The following SLC44A5 variants were observed in gnomAD, a reference collection of about 807,000 sequenced individuals.
SLC44A5 encodes the protein solute carrier family 44 member 5, also known as choline transporter-like protein 5.
Under a neutral mutation model 101.8 loss-of-function variants are expected in SLC44A5, and 57 were observed. The observed-to-expected ratio is 0.56, with a 90% CI of 0.45 to 0.70. The LOEUF is 0.70. Ranked by LOEUF, SLC44A5 falls within the 30% of genes least tolerant of loss-of-function variation. SLC44A5 has a pLI of 0.00. For synonymous variants in SLC44A5, 281 were observed against 290.9 expected (o/e 0.97, Z 0.35); for missense variants, 737 against 853.1 (o/e 0.86, Z 1.70).
intron 6 of SLC44A5, among the ~76,000 whole-genome samples, chr1:75,264,349 C>T (rs1051368499): frequency 6.6e-6 from 1 of 152,180 alleles, no homozygotes; most frequent in Admixed American, 6.5e-5. Flanking sequence ...GGCAGGGCTG[C>T]CACACGTTTA....
At chr1:75,525,175 A>G (rs1412978492) in intron 2 of SLC44A5, among the ~76,000 whole-genome samples, 1 of 152,200 alleles carries the variant, frequency 6.6e-6, no homozygotes, top group Admixed American at 6.5e-5. Flanking sequence ...GATACTCACA[A>G]GGTGCTAAGG....
At chr1:75,687,881 G>C in the SLC44A5 span, among the ~76,000 whole-genome samples, 3 of 152,066 alleles carry the variant, frequency 2.0e-5, no homozygotes, top group African/African-American at 7.2e-5. Context: ...CACCTTTATG[G>C]TCATCCAGCC....
chr1:75,647,175 T>C, the SLC44A5 span, among the ~76,000 whole-genome samples: 2 of 152,178 alleles, frequency 1.3e-5, no homozygotes, highest in African/African-American at 4.8e-5. Flanking sequence ...ATCTCAGCCA[T>C]GGCTAAAAGG....
At chr1:75,702,352 C>T in the SLC44A5 span, among the ~76,000 whole-genome samples, 1 of 152,064 alleles carries the variant, frequency 6.6e-6, no homozygotes, top group Non-Finnish European at 1.5e-5. Flanking sequence ...AGAAATAATG[C>T]CACATATCTA....
intron 3 of SLC44A5, among the ~76,000 whole-genome samples, chr1:75,350,965 T>A (rs1658609772): frequency 6.6e-6 from 1 of 151,118 alleles, no homozygotes; most frequent in South Asian, 2.1e-4. Flanking sequence ...AGCATGTGAA[T>A]TTTAACCGAA....
At chr1:75,434,313 C>T (rs1192692151) in intron 2 of SLC44A5, among the ~76,000 whole-genome samples, 1 of 152,156 alleles carries the variant, frequency 6.6e-6, no homozygotes, top group Non-Finnish European at 1.5e-5. Context: ...ATTTTCCTTG[C>T]TATTGTCCTA....
Position 75,269,833 on chromosome 1 carries a change from TC to T in SLC44A5, c.260+5124del, listed in dbSNP as rs1319274209. Among the ~76,000 whole-genome samples the T allele has an allele frequency of 2.0e-5, 3 of 152,258 alleles. No individual in the cohort carries two copies. In the East Asian group the frequency reaches 5.8e-4, roughly 29 times the overall value. Reference sequence around the variant, plus strand: ...TACCATTTGATATGGTTTGGCTGTATCCCCACCTAAATGTCATCTTGAATTA... The same window carrying T: ...TACCATTTGATATGGTTTGGCTGTATCCCACCTAAATGTCATCTTGAATTA... On this transcript the variant is annotated intron_variant, in intron 6 of 23. Transcript: ENST00000370859.
chr1:75,591,368 C>A (rs890887506), intron 1 of SLC44A5, among the ~76,000 whole-genome samples: 5 of 152,096 alleles, frequency 3.3e-5, no homozygotes, highest in Admixed American at 3.3e-4. Flanking sequence ...TGTAAATAGA[C>A]TAAACTCTCC....
intron 9 of SLC44A5, among the ~76,000 whole-genome samples, chr1:75,239,917 C>G (rs1273773993): frequency 6.6e-6 from 1 of 152,014 alleles, no homozygotes; most frequent in South Asian, 2.1e-4. Context: ...TATTGAAACT[C>G]TCTTTTCTTG....
chr1:75,276,350 A>T (rs1178893015), intron 5 of SLC44A5, among the ~76,000 whole-genome samples: 1 of 152,176 alleles, frequency 6.6e-6, no homozygotes, highest in South Asian at 2.1e-4. Context: ...TTCTGCTTCT[A>T]TACCTTAGTT....
intron 6 of SLC44A5, among the ~76,000 whole-genome samples, chr1:75,255,693 A>G (rs1649960204): frequency 6.6e-6 from 1 of 152,162 alleles, no homozygotes. Flanking sequence ...TAAGGACTCA[A>G]AGAAAGAATT....
intron 14 of SLC44A5, among the ~76,000 whole-genome samples, chr1:75,220,601 C>A (rs1031970074): frequency 1.3e-5 from 2 of 151,824 alleles, no homozygotes; most frequent in Non-Finnish European, 2.9e-5. Flanking sequence ...ATATAATTAT[C>A]AAGGATAATA....
the SLC44A5 span, among the ~76,000 whole-genome samples, chr1:75,692,229 T>G: frequency 7.3e-6 from 1 of 137,638 alleles, no homozygotes; most frequent in African/African-American, 2.7e-5. Flanking sequence ...AGTCTCGCTC[T>G]GTTGCCCAGG....
chr1:75,527,455 T>C (rs573741593), intron 2 of SLC44A5, among the ~76,000 whole-genome samples: 4 of 152,206 alleles, frequency 2.6e-5, no homozygotes, highest in Admixed American at 6.5e-5. Context: ...TGGGCTACAA[T>C]TTGGTGACTT....
intron 2 of SLC44A5, among the ~76,000 whole-genome samples, chr1:75,433,547 A>G (rs1196656244): frequency 6.6e-6 from 1 of 152,140 alleles, no homozygotes. Context: ...CACTATTCCA[A>G]TGGGAGATCT....
chr1:75,691,292 A>G, the SLC44A5 span, among the ~76,000 whole-genome samples: 1 of 152,182 alleles, frequency 6.6e-6, no homozygotes, highest in Non-Finnish European at 1.5e-5. Flanking sequence ...TCTAAAGGAA[A>G]ATGATAGCAA....
chr1:75,612,184 A>C (rs777362623), upstream of SLC44A5, among the ~76,000 whole-genome samples: 2 of 152,188 alleles, frequency 1.3e-5, no homozygotes, highest in Non-Finnish European at 2.9e-5. Flanking sequence ...AGTGAAGTCT[A>C]TTAGGTCACC....
chr1:75,484,658 T>C (rs1476202484), intron 2 of SLC44A5, among the ~76,000 whole-genome samples: 2 of 152,142 alleles, frequency 1.3e-5, no homozygotes, highest in African/African-American at 4.8e-5. Flanking sequence ...CATTGCCCTC[T>C]GCATTGCCCT....
rs1245447732 is a variant in SLC44A5 at position 75,202,235 on chromosome 1, C to A, written c.*1492G>T. The A allele has an allele frequency of 6.6e-6, 1 of 152,074 alleles. No homozygotes were observed. The highest frequency in any genetic ancestry group is 6.6e-5 in the Admixed American group (1 of 15,258). 9.4% of individuals were successfully genotyped at this position (152,074 alleles called of 1,614,324 possible). ...AATTATCAAAGATATTTAGACAATA[C>A]GTTTCTAACATTTCTGCACAGCAGA... is the stretch of plus-strand genomic sequence containing the variant. On this transcript the variant is annotated 3_prime_UTR_variant, in exon 24 of 24. Coordinates refer to ENST00000370859, the MANE Select transcript of SLC44A5 (RefSeq NM_001130058.2).
Sources: allele counts gnomAD v4.1 joint callset (sites outside exome capture counted in the v4.1 genomes callset), GRCh38; gene constraint gnomAD v4.1.1; transcripts MANE v1.5; gene names NCBI Gene and HGNC (gene_info 2026-07-23, HGNC 2026-07-21).